Variants in KMT2C observed in about 807,000 individuals in gnomAD.
The protein encoded by KMT2C is histone-lysine N-methyltransferase 2C.
A neutral mutation model predicts 507.9 loss-of-function variants in KMT2C; 88 were observed. The observed-to-expected ratio is 0.17, with a 90% CI of 0.15 to 0.21. The LOEUF (loss-of-function observed/expected upper bound fraction) is 0.21. Among genes scored for constraint, KMT2C ranks in the 10% least tolerant of loss-of-function variants. The probability of loss-of-function intolerance (pLI) is 1.00; values close to 1 mark genes in which losing one functional copy is unlikely to be tolerated. For synonymous variants in KMT2C, 2,049 were observed against 2,080.8 expected (o/e 0.98, Z 0.42); for missense variants, 4,954 against 5,957.8 (o/e 0.83, Z 5.55).
At chr7:152,316,204 G>C (rs1358114571) in intron 3 of KMT2C, among the ~76,000 whole-genome samples, 1 of 152,126 alleles carries the variant, frequency 6.6e-6, no homozygotes, top group Non-Finnish European at 1.5e-5. Flanking sequence ...TTTTAGGCCA[G>C]TGAAACCATT....
intron 52 of KMT2C, among the ~76,000 whole-genome samples, chr7:152,147,736 A>AAAAAG (rs1319309761): frequency 6.7e-6 from 1 of 150,336 alleles, no homozygotes; most frequent in Non-Finnish European, 1.5e-5. Context: ...AAAGAAAAAG[A>AAAAAG]AAAAGAAAAA....
intron 3 of KMT2C, among the ~76,000 whole-genome samples, chr7:152,323,961 A>T (rs1437454074): frequency 6.6e-6 from 1 of 151,832 alleles, no homozygotes. Flanking sequence ...GATCTCACTT[A>T]TATGTAGAAT....
chr7:152,179,636 A>G (rs890720600), intron 37 of KMT2C, among the ~76,000 whole-genome samples, 198 bp downstream of exon 37: 1 of 129,724 alleles, frequency 7.7e-6, no homozygotes, highest in Non-Finnish European at 1.6e-5. Context: ...CTTTTAAAAA[A>G]TTTTTAAATT....
chr7:152,356,957 G>C (rs558180503), intron 2 of KMT2C, among the ~76,000 whole-genome samples: 1 of 150,990 alleles, frequency 6.6e-6, no homozygotes, highest in South Asian at 2.1e-4. Context: ...ATTAGAGCCA[G>C]ACACGGTGGC....
At chr7:152,260,465 ATTTT>A (rs1288973393) in intron 9 of KMT2C, among the ~76,000 whole-genome samples, 1 of 152,140 alleles carries the variant, frequency 6.6e-6, no homozygotes, top group Non-Finnish European at 1.5e-5. Context: ...AAAGAAGGTA[ATTTT>A]TTAAGTAAAT....
At chr7:152,290,554 C>G (rs1243447759) in intron 6 of KMT2C, among the ~76,000 whole-genome samples, 1 of 151,260 alleles carries the variant, frequency 6.6e-6, no homozygotes, top group Non-Finnish European at 1.5e-5. Context: ...GTGATCCACC[C>G]GCTTCAGCCT....
chr7:152,327,554 C>A (rs2096840252), intron 3 of KMT2C, among the ~76,000 whole-genome samples: 1 of 152,170 alleles, frequency 6.6e-6, no homozygotes, highest in African/African-American at 2.4e-5. Context: ...TACACCATTT[C>A]TAATCTCTAT....
At chr7:152,333,790 GCAT>G (rs1230579724) in intron 2 of KMT2C, among the ~76,000 whole-genome samples, 2 of 152,232 alleles carry the variant, frequency 1.3e-5, no homozygotes, top group Admixed American at 6.5e-5. Context: ...ATAACATGAA[GCAT>G]CAAACAGATG....
intron 7 of KMT2C, among the ~76,000 whole-genome samples, chr7:152,271,401 G>A (rs921619402): frequency 7.2e-5 from 11 of 151,996 alleles, no homozygotes; most frequent in East Asian, 3.9e-4. Flanking sequence ...GGCCGGGCAC[G>A]ATGGCTCACA....
At chr7:152,223,487 G>A (rs2094836304) in intron 20 of KMT2C, among the ~76,000 whole-genome samples, 1 of 151,906 alleles carries the variant, frequency 6.6e-6, no homozygotes, top group Non-Finnish European at 1.5e-5. Flanking sequence ...CCTCAAAAAG[G>A]CCTAAATTAA....
At chr7:152,374,415 A>G (rs1448910374) in intron 1 of KMT2C, among the ~76,000 whole-genome samples, 1 of 152,136 alleles carries the variant, frequency 6.6e-6, no homozygotes, top group Admixed American at 6.5e-5. Flanking sequence ...CAAATTCTCA[A>G]TAGAAAAATA....
chr7:152,152,477 G>A (rs984444039), intron 49 of KMT2C, among the ~76,000 whole-genome samples: 7 of 152,174 alleles, frequency 4.6e-5, no homozygotes, highest in African/African-American at 1.7e-4. Flanking sequence ...ACAGATGGCT[G>A]GCACTCACAT....
intron 39 of KMT2C, 107 bp from the exon 40 acceptor site, chr7:152,171,449 C>G (rs1324511555): frequency 1.1e-5 from 7 of 650,986 alleles, no homozygotes; most frequent in East Asian, 3.0e-5. Flanking sequence ...CAGAGAAGAA[C>G]AGTGGCAATT....
chr7:152,254,771 G>A (rs765799073), intron 9 of KMT2C, among the ~76,000 whole-genome samples: 35 of 151,968 alleles, frequency 2.3e-4, no homozygotes, highest in Admixed American at 1.1e-3. Context: ...AGGAAAAGAA[G>A]AAACAAAACT....
intron 49 of KMT2C, 98 bp downstream of exon 49, chr7:152,152,607 A>G: frequency 7.1e-7 from 1 of 1,412,004 alleles, no homozygotes. Flanking sequence ...CCAGCATGTT[A>G]CCTGTCCGTT....
At chr7:152,328,031 G>A (rs1450441663) in intron 3 of KMT2C, among the ~76,000 whole-genome samples, 1 of 151,708 alleles carries the variant, frequency 6.6e-6, no homozygotes, top group Non-Finnish European at 1.5e-5. Flanking sequence ...ACTATTAAGT[G>A]CAGGACACAG....
At chr7:152,253,717 C>T (rs1286162674) in intron 9 of KMT2C, among the ~76,000 whole-genome samples, 1 of 151,702 alleles carries the variant, frequency 6.6e-6, no homozygotes, top group East Asian at 1.9e-4. Flanking sequence ...GCACGGTCAA[C>T]GCCATGTGAC....
At chr7:152,375,731 G>C (rs1021916748) in intron 1 of KMT2C, among the ~76,000 whole-genome samples, 51 of 152,024 alleles carry the variant, frequency 3.4e-4, no homozygotes, top group African/African-American at 1.2e-3. Flanking sequence ...CACTCACTTT[G>C]TGTCTCTGTG....
chr7:152,420,722 C>A lies in KMT2C; in HGVS notation c.161+14904G>T, dbSNP rs527404695. ...CGGTGGTGCACGCCTGTAGTCCCAG[C>A]TACTCGGGAAGCTGAGGCAGGAGAA... On this transcript the variant is annotated intron_variant, in intron 1 of 58. Coordinates refer to ENST00000262189, the MANE Select transcript of KMT2C (RefSeq NM_170606.3). 3.2e-4 allele frequency among the ~76,000 whole-genome samples: 48 copies of A among 152,064 alleles called. No homozygotes were observed. In the South Asian group the frequency reaches 9.8e-3, roughly 31 times the overall value.
Sources: allele counts gnomAD v4.1 joint callset (sites outside exome capture counted in the v4.1 genomes callset), GRCh38; gene constraint gnomAD v4.1.1; transcripts MANE v1.5; gene names NCBI Gene and HGNC (gene_info 2026-07-23, HGNC 2026-07-21).